The following BBX variants were observed in gnomAD, a reference collection of about 807,000 sequenced individuals.
BBX encodes the protein BBX high mobility group box domain containing, also known as HMG box transcription factor BBX.
BBX carries 30 observed loss-of-function variants against 100.2 expected under a neutral mutation model. The observed-to-expected ratio is 0.30, with a 90% CI of 0.22 to 0.41. The LOEUF is 0.41. Among genes scored for constraint, BBX ranks in the 10% least tolerant of loss-of-function variants. The pLI is 1.00. For missense variants in BBX, 1,023 were observed against 1,129.8 expected, an observed-to-expected ratio of 0.91 and a Z score of 1.35; for synonymous variants, 376 against 388.1, an observed-to-expected ratio of 0.97 and a Z score of 0.37.
At chr3:107,636,156 G>A (rs1385761056) in intron 2 of BBX, among the ~76,000 whole-genome samples, 1 of 152,174 alleles carries the variant, frequency 6.6e-6, no homozygotes, top group Non-Finnish European at 1.5e-5. Context: ...TCACCCAGCT[G>A]CAGTGTTCAC....
intron 2 of BBX, among the ~76,000 whole-genome samples, chr3:107,556,616 C>T (rs966677862): frequency 2.6e-5 from 4 of 152,124 alleles, no homozygotes; most frequent in African/African-American, 7.2e-5. Context: ...TTAGGAAATG[C>T]GTGTTAAGGC....
intron 7 of BBX, among the ~76,000 whole-genome samples, chr3:107,736,863 A>G (rs940872651): frequency 4.6e-5 from 7 of 152,150 alleles, no homozygotes; most frequent in Non-Finnish European, 7.4e-5. Flanking sequence ...AAAGTAGAAT[A>G]TAAGTTAGTC....
At chr3:107,656,754 G>A (rs1297793348) in intron 3 of BBX, among the ~76,000 whole-genome samples, 3 of 152,110 alleles carry the variant, frequency 2.0e-5, no homozygotes, top group African/African-American at 7.2e-5. Context: ...TAATTATCAT[G>A]TGCAAGGCAG....
intron 3 of BBX, among the ~76,000 whole-genome samples, chr3:107,694,122 C>A (rs2060393257): frequency 8.0e-6 from 1 of 124,882 alleles, no homozygotes; most frequent in Non-Finnish European, 1.6e-5. Flanking sequence ...TCTAGATATA[C>A]AATCATGTCG....
At chr3:107,686,713 G>A (rs1182916701) in intron 3 of BBX, among the ~76,000 whole-genome samples, 1 of 152,176 alleles carries the variant, frequency 6.6e-6, no homozygotes. Flanking sequence ...TTGGATTGAT[G>A]TGAGGAGGCC....
At chr3:107,796,251 G>A (rs916782274) in intron 15 of BBX, among the ~76,000 whole-genome samples, 1 of 152,136 alleles carries the variant, frequency 6.6e-6, no homozygotes. Flanking sequence ...TTTCCCAACC[G>A]ACTTGGCCTT....
intron 4 of BBX, among the ~76,000 whole-genome samples, chr3:107,714,404 T>C (rs942901793): frequency 6.7e-6 from 1 of 148,176 alleles, no homozygotes; most frequent in Non-Finnish European, 1.5e-5. Flanking sequence ...AAATTTATGT[T>C]TATATGGTTT....
At chr3:107,597,212 T>A (rs1437690406) in intron 2 of BBX, among the ~76,000 whole-genome samples, 1 of 152,210 alleles carries the variant, frequency 6.6e-6, no homozygotes, top group African/African-American at 2.4e-5. Context: ...GTGTGAAATT[T>A]TTGTGTTAAT....
intron 8 of BBX, among the ~76,000 whole-genome samples, chr3:107,745,749 C>T (rs951757504): frequency 8.5e-5 from 13 of 152,114 alleles, no homozygotes; most frequent in African/African-American, 2.7e-4. Context: ...CCACCATGCT[C>T]AGCCTGCACT....
intron 10 of BBX, among the ~76,000 whole-genome samples, chr3:107,756,253 G>A (rs866085629): frequency 2.6e-5 from 4 of 152,106 alleles, no homozygotes; most frequent in Admixed American, 1.3e-4. Context: ...GGAGGAAGAC[G>A]CCGGAAGCAT....
chr3:107,748,088 CA>C (rs1197922214), intron 9 of BBX, 49 bp downstream of exon 9: 2 of 1,481,694 alleles, frequency 1.3e-6, no homozygotes, highest in Non-Finnish European at 1.9e-6. Context: ...TTGTTGAGCT[CA>C]GGAATACTGG....
At position 107,811,324 on chromosome 3, in the gene BBX, A is replaced by G. The variant is rs1468872640; in HGVS notation, c.*5867A>G. 1 of 152,218 alleles carries G rather than the reference A, an allele frequency of 6.6e-6. No homozygotes were observed. Among genetic ancestry groups the G allele is most frequent in the Non-Finnish European group, 1.5e-5 (1 of 68,032 alleles). 9.4% of individuals were successfully genotyped at this position (152,218 alleles called of 1,614,324 possible). On this transcript the variant is annotated 3_prime_UTR_variant, in exon 18 of 18. Coordinates refer to ENST00000325805, the MANE Select transcript of BBX (RefSeq NM_001142568.3). Reference sequence around the variant, plus strand: ...CTAATAAAAGTAAGATATTTCAACTATTTTAGAACATCGAATGATGTGTCC... The same window carrying G: ...CTAATAAAAGTAAGATATTTCAACTGTTTTAGAACATCGAATGATGTGTCC...
intron 3 of BBX, among the ~76,000 whole-genome samples, chr3:107,696,893 G>A (rs1477200196): frequency 2.7e-4 from 41 of 151,408 alleles, no homozygotes; most frequent in Admixed American, 2.0e-4. Flanking sequence ...GGCTTTGGTC[G>A]TTTCTTTTTA....
At chr3:107,570,789 A>C (rs1253602011) in intron 2 of BBX, among the ~76,000 whole-genome samples, 1 of 152,064 alleles carries the variant, frequency 6.6e-6, no homozygotes, top group Admixed American at 6.6e-5. Flanking sequence ...CAAAGGACTC[A>C]AGAGTTTGGG....
intron 2 of BBX, among the ~76,000 whole-genome samples, chr3:107,563,889 A>G (rs1014605310): frequency 2.0e-5 from 3 of 152,136 alleles, no homozygotes; most frequent in African/African-American, 7.2e-5. Context: ...TTCATTCTCA[A>G]TCTTAATGTT....
chr3:107,577,857 C>T (rs552723148), intron 2 of BBX, among the ~76,000 whole-genome samples: 4 of 151,916 alleles, frequency 2.6e-5, no homozygotes, highest in Admixed American at 2.0e-4. Context: ...ACCAAGATGA[C>T]GAGCCTGGCC....
At chr3:107,556,784 G>T (rs709532) in intron 2 of BBX, among the ~76,000 whole-genome samples, 15,190 of 152,122 alleles carry the variant, frequency 0.1, 883 homozygotes, top group Non-Finnish European at 0.12. Context: ...TAACCCGGAA[G>T]CTAGAATCAG....
intron 7 of BBX, among the ~76,000 whole-genome samples, chr3:107,741,779 C>T (rs2064128243): frequency 6.6e-6 from 1 of 152,166 alleles, no homozygotes; most frequent in Admixed American, 6.6e-5. Context: ...TTAAACATTT[C>T]ACAACATCTA....
intron 3 of BBX, among the ~76,000 whole-genome samples, chr3:107,685,628 A>G (rs1319948494): frequency 6.6e-6 from 1 of 152,208 alleles, no homozygotes; most frequent in Non-Finnish European, 1.5e-5. Flanking sequence ...ATTGCTTGCT[A>G]TCTGCTGTAA....
Sources: gnomAD v4.1 joint callset for allele counts (sites outside exome capture counted in the v4.1 genomes callset) on GRCh38, gnomAD v4.1.1 for gene constraint, MANE v1.5 for transcripts, NCBI Gene and HGNC (gene_info 2026-07-23, HGNC 2026-07-21) for gene names.